SHB: variants seen among roughly 807,000 people sequenced by gnomAD.
SHB encodes the protein SH2 domain containing adaptor protein B.
Under a neutral mutation model 52.3 loss-of-function variants are expected in SHB, and 20 were observed. The observed-to-expected ratio is 0.38, with a 90% confidence interval of 0.27 to 0.56. The LOEUF is 0.56. Among genes scored for constraint, SHB ranks in the 20% least tolerant of loss-of-function variants. The pLI, the probability that SHB is intolerant of heterozygous loss-of-function variation, is 0.71. For synonymous variants in SHB, 397 were observed against 316.5 expected, an observed-to-expected ratio of 1.25 and a Z score of -2.70; for missense variants, 825 against 723.3, an observed-to-expected ratio of 1.14 and a Z score of -1.61.
intron 5 of SHB, among the ~76,000 whole-genome samples, chr9:37,946,407 G>T (rs1164538022): frequency 6.6e-6 from 1 of 152,216 alleles, no homozygotes; most frequent in East Asian, 1.9e-4. Flanking sequence ...ATGCACAGGG[G>T]ACTGAGAAAT....
intron 5 of SHB, among the ~76,000 whole-genome samples, chr9:37,926,824 CTG>C (rs1832256239): frequency 6.6e-6 from 1 of 152,248 alleles, no homozygotes; most frequent in African/African-American, 2.4e-5. Context: ...TGCCCCAACA[CTG>C]TGAGAGATGT....
intron 1 of SHB, among the ~76,000 whole-genome samples, chr9:38,066,165 A>T (rs925549508): frequency 1.3e-5 from 2 of 152,266 alleles, no homozygotes; most frequent in Non-Finnish European, 2.9e-5. Flanking sequence ...ATATCTTGAC[A>T]TCCTGGCTAT....
chr9:37,999,140 G>C (rs1277613880), intron 2 of SHB, among the ~76,000 whole-genome samples: 1 of 152,218 alleles, frequency 6.6e-6, no homozygotes, highest in Non-Finnish European at 1.5e-5. Context: ...GGGATTTGAG[G>C]AAGGCCTGGA....
chr9:38,013,425 G>A (rs1412524438), intron 2 of SHB, among the ~76,000 whole-genome samples: 1 of 152,010 alleles, frequency 6.6e-6, no homozygotes, highest in Non-Finnish European at 1.5e-5. Flanking sequence ...GACACAGTGA[G>A]ACCCCGTCTC....
At chr9:37,951,629 C>T (rs1476648157) in intron 4 of SHB, among the ~76,000 whole-genome samples, 1 of 152,270 alleles carries the variant, frequency 6.6e-6, no homozygotes. Flanking sequence ...GTGCTGCCTG[C>T]CATCCACCCT....
intron 5 of SHB, among the ~76,000 whole-genome samples, chr9:37,931,969 A>G (rs1832315687): frequency 6.6e-6 from 1 of 150,690 alleles, no homozygotes; most frequent in Non-Finnish European, 1.5e-5. Flanking sequence ...GCAGTGAAAT[A>G]AGCCAGATAC....
At chr9:38,026,017 G>A (rs1821337522) in intron 1 of SHB, among the ~76,000 whole-genome samples, 1 of 152,198 alleles carries the variant, frequency 6.6e-6, no homozygotes, top group Non-Finnish European at 1.5e-5. Flanking sequence ...GCATTTTTCT[G>A]CTTCTGATAG....
At chr9:37,920,138 A>T in intron 5 of SHB, 134 bp from the exon 6 acceptor site, 1 of 682,402 alleles carries the variant, frequency 1.5e-6, no homozygotes, top group Non-Finnish European at 2.5e-6. Context: ...CCAAGCCAGG[A>T]CCGAGGCCCA....
intron 1 of SHB, among the ~76,000 whole-genome samples, chr9:38,048,164 C>T (rs952630797): frequency 1.3e-5 from 2 of 152,152 alleles, no homozygotes; most frequent in African/African-American, 4.8e-5. Flanking sequence ...AAAAAATTTC[C>T]AATAGTAATT....
intron 1 of SHB, among the ~76,000 whole-genome samples, chr9:38,052,038 GA>G (rs1821757640): frequency 6.6e-6 from 1 of 152,184 alleles, no homozygotes; most frequent in Non-Finnish European, 1.5e-5. Flanking sequence ...GTCTTCTGAA[GA>G]CTTCAACTAC....
chr9:37,919,623 C>T lies in SHB; in HGVS notation c.*198G>A. On this transcript the variant is annotated 3_prime_UTR_variant, in exon 6 of 6. Transcript: ENST00000377707. The stretch of plus-strand genomic sequence containing the variant: ...GGGTGGGGGCTGGGGTGGTGTGTTG[C>T]CGCCCTTCTGTCTTTATCCAGGCCT... The T allele has an allele frequency of 2.0e-6, 1 of 489,220 alleles. No individual in the cohort carries two copies. Among genetic ancestry groups the T allele is most frequent in the Non-Finnish European group, 3.6e-6 (1 of 274,470 alleles). 30.3% of individuals were successfully genotyped at this position (489,220 alleles called of 1,614,324 possible).
chr9:37,943,928 G>C (rs892317926), intron 5 of SHB, among the ~76,000 whole-genome samples: 4 of 152,200 alleles, frequency 2.6e-5, no homozygotes, highest in Non-Finnish European at 5.9e-5. Context: ...TTTTTTTCAA[G>C]GCTTTTCATC....
Position 38,068,378 on chromosome 9 carries a change from G to A in SHB, c.268C>T (p.Arg90Ter). 6.3e-7 allele frequency: 1 copy of A among 1,575,890 alleles called. No individual in the cohort carries two copies. Among genetic ancestry groups the A allele is most frequent in the African/African-American group, 1.4e-5 (1 of 71,526 alleles). ...CCGTTGTAGGGGTCCTCGAAGTCTC[G>A]CTCCTTCTGCGCGCGGTAGGCGCGG... Reference protein sequence around the residue: ...LIRAYRAQKERDFEDPYNGPG... With the variant: ...LIRAYRAQKE Residue 90 changes from arginine (R) to a stop codon, truncating the protein, a stop_gained, in exon 1 of 6, where the codon CGA (arginine) becomes TGA (stop). Coordinates refer to ENST00000377707, the MANE Select transcript of SHB (RefSeq NM_003028.3). LOFTEE classifies it high-confidence loss of function.
At chr9:37,987,050 T>C (rs1291137773) in intron 2 of SHB, among the ~76,000 whole-genome samples, 1 of 152,164 alleles carries the variant, frequency 6.6e-6, no homozygotes, top group African/African-American at 2.4e-5. Context: ...CTATACCCCT[T>C]ACCCTGTGGG....
intron 1 of SHB, among the ~76,000 whole-genome samples, chr9:38,032,171 A>C (rs906897020): frequency 6.6e-5 from 10 of 152,218 alleles, no homozygotes; most frequent in Non-Finnish European, 8.8e-5. Context: ...GGCACCGCCT[A>C]GAGAGCACCT....
At chr9:37,979,408 C>T (rs1272536684) in intron 2 of SHB, among the ~76,000 whole-genome samples, 2 of 152,096 alleles carry the variant, frequency 1.3e-5, no homozygotes, top group African/African-American at 4.8e-5. Flanking sequence ...TAAGAATTTG[C>T]CTGGGCCCAT....
intron 2 of SHB, among the ~76,000 whole-genome samples, chr9:37,982,094 T>TAA (rs59247175): frequency 9.5e-4 from 134 of 141,262 alleles, no homozygotes; most frequent in Non-Finnish European, 1.5e-3. Context: ...CTTCATTTTG[T>TAA]AAAAAAAAAA....
chr9:37,975,333 T>A (rs1179483512), intron 2 of SHB, among the ~76,000 whole-genome samples: 1 of 152,072 alleles, frequency 6.6e-6, no homozygotes, highest in African/African-American at 2.4e-5. Context: ...AACAAGAGCC[T>A]CCCCAAGGAG....
rs939032491 is a variant in SHB, at chr9:37,945,033, G to A, written c.1346+3602C>T. Among the ~76,000 whole-genome samples, 6 of 152,012 alleles carry A rather than the reference G, an allele frequency of 3.9e-5. 1 individual carries two copies. Among genetic ancestry groups the A allele is most frequent in the East Asian group, 1.9e-4 (1 of 5,146 alleles). Reference sequence around the variant, plus strand: ...TGATGCCCAGCCCAGTGGCTGGTACGGAGGGCTCTGAAAAATATCTGCTGA... The same window carrying A: ...TGATGCCCAGCCCAGTGGCTGGTACAGAGGGCTCTGAAAAATATCTGCTGA... On this transcript the variant is annotated intron_variant, in intron 5 of 5. Transcript: ENST00000377707.
Sources: allele counts gnomAD v4.1 joint callset (sites outside exome capture counted in the v4.1 genomes callset), GRCh38; gene constraint gnomAD v4.1.1; transcripts MANE v1.5; gene names NCBI Gene and HGNC (gene_info 2026-07-23, HGNC 2026-07-21).